UBE2E2: variants seen among roughly 807,000 people sequenced by gnomAD.
UBE2E2 encodes the protein ubiquitin-conjugating enzyme E2 E2.
A neutral mutation model predicts 24.7 loss-of-function variants in UBE2E2; 6 were observed. The observed-to-expected ratio is 0.24, with a 90% CI of 0.13 to 0.48. The LOEUF is 0.48. Ranked by LOEUF, UBE2E2 falls within the 20% of genes least tolerant of loss-of-function variation. UBE2E2 has a pLI of 0.99. For synonymous variants in UBE2E2, 104 were observed against 83.6 expected (o/e 1.24, Z -1.33); for missense variants, 169 against 245.0 (o/e 0.69, Z 2.07).
intron 3 of UBE2E2, among the ~76,000 whole-genome samples, chr3:23,238,290 A>G (rs1697171995): frequency 6.6e-6 from 1 of 152,206 alleles, no homozygotes; most frequent in South Asian, 2.1e-4. Flanking sequence ...GTTTTGTCAC[A>G]AGATCCGCCA....
intron 3 of UBE2E2, among the ~76,000 whole-genome samples, chr3:23,235,976 T>G (rs1369862227): frequency 1.3e-5 from 2 of 152,102 alleles, no homozygotes; most frequent in East Asian, 3.9e-4. Flanking sequence ...AAAGAAATAT[T>G]TAAATCTGTA....
chr3:23,313,654 A>T (rs1353391031), intron 3 of UBE2E2, among the ~76,000 whole-genome samples: 1 of 151,934 alleles, frequency 6.6e-6, no homozygotes, highest in Non-Finnish European at 1.5e-5. Context: ...AAGTGCTGGG[A>T]TTACAGGTGT....
chr3:23,252,394 G>T (rs1453729065), intron 3 of UBE2E2, among the ~76,000 whole-genome samples: 3 of 152,236 alleles, frequency 2.0e-5, no homozygotes, highest in East Asian at 3.9e-4. Context: ...CTATCATTCA[G>T]CTTGCTACTC....
At chr3:23,383,269 A>T (rs1256572240) in intron 3 of UBE2E2, among the ~76,000 whole-genome samples, 1 of 151,784 alleles carries the variant, frequency 6.6e-6, no homozygotes, top group African/African-American at 2.4e-5. Flanking sequence ...GACATACTGG[A>T]TTTAAGTTGT....
chr3:23,441,694 A>T (rs903438670), intron 3 of UBE2E2, among the ~76,000 whole-genome samples: 3 of 152,162 alleles, frequency 2.0e-5, no homozygotes, highest in African/African-American at 4.8e-5. Context: ...GGTAGCATTG[A>T]TTCTGTCTCA....
intron 3 of UBE2E2, among the ~76,000 whole-genome samples, chr3:23,465,459 A>T (rs1176632067): frequency 6.6e-6 from 1 of 152,256 alleles, no homozygotes; most frequent in Non-Finnish European, 1.5e-5. Flanking sequence ...ACTTTTAGCC[A>T]TAAAAGGGAC....
intron 3 of UBE2E2, among the ~76,000 whole-genome samples, chr3:23,329,630 C>A (rs919187735): frequency 4.6e-5 from 7 of 152,258 alleles, no homozygotes; most frequent in African/African-American, 1.7e-4. Context: ...GTGGCTCAGA[C>A]TGGCTTGCCA....
At chr3:23,438,576 A>C (rs1251174781) in intron 3 of UBE2E2, among the ~76,000 whole-genome samples, 2 of 152,184 alleles carry the variant, frequency 1.3e-5, no homozygotes, top group Non-Finnish European at 2.9e-5. Context: ...GTCCTAAGTA[A>C]GTTTTATAGC....
At chr3:23,353,855 A>G (rs1695844205) in intron 3 of UBE2E2, among the ~76,000 whole-genome samples, 1 of 152,196 alleles carries the variant, frequency 6.6e-6, no homozygotes, top group African/African-American at 2.4e-5. Flanking sequence ...CAAGCTACCA[A>G]TGAGTTTCTT....
At chr3:23,579,795 T>G (rs908417113) in intron 5 of UBE2E2, among the ~76,000 whole-genome samples, 66 of 152,320 alleles carry the variant, frequency 4.3e-4, no homozygotes, top group African/African-American at 1.5e-3. Flanking sequence ...ATTGAAAACC[T>G]TGTGTAAAGG....
intron 5 of UBE2E2, among the ~76,000 whole-genome samples, chr3:23,533,351 C>T (rs1695170545): frequency 6.6e-6 from 1 of 151,904 alleles, no homozygotes; most frequent in Non-Finnish European, 1.5e-5. Flanking sequence ...CCAAAGATAG[C>T]TATAGGGTTT....
intron 4 of UBE2E2, among the ~76,000 whole-genome samples, chr3:23,525,694 A>C (rs1042400415): frequency 2.0e-5 from 3 of 152,346 alleles, no homozygotes; most frequent in East Asian, 1.9e-4. Flanking sequence ...AACCCTTGCA[A>C]TGGAAGTGCA....
intron 3 of UBE2E2, among the ~76,000 whole-genome samples, chr3:23,291,802 C>A (rs1390040616): frequency 6.8e-6 from 1 of 148,118 alleles, no homozygotes. Context: ...CTCACCTCAG[C>A]CTTCTGAGTA....
chr3:23,206,424 T>C (rs1696148812), intron 1 of UBE2E2, among the ~76,000 whole-genome samples: 1 of 152,226 alleles, frequency 6.6e-6, no homozygotes, highest in Non-Finnish European at 1.5e-5. Flanking sequence ...CAGTGTTCTA[T>C]TAAGTGACTT....
intron 5 of UBE2E2, among the ~76,000 whole-genome samples, chr3:23,567,752 T>C (rs1473790616): frequency 6.6e-6 from 1 of 152,202 alleles, no homozygotes; most frequent in Non-Finnish European, 1.5e-5. Context: ...TCTTGACCAA[T>C]AGGTTGAACT....
At chr3:23,269,611 A>G (rs1423405665) in intron 3 of UBE2E2, among the ~76,000 whole-genome samples, 1 of 152,198 alleles carries the variant, frequency 6.6e-6, no homozygotes, top group Non-Finnish European at 1.5e-5. Context: ...CTGTCATGCA[A>G]AAGGCCAGTT....
At chr3:23,567,579 A>AC (rs1470343725) in intron 5 of UBE2E2, among the ~76,000 whole-genome samples, 1 of 152,002 alleles carries the variant, frequency 6.6e-6, no homozygotes, top group African/African-American at 2.4e-5. Context: ...TGTATATTAA[A>AC]CCCCAAAAAG....
At chr3:23,370,202 T>A (rs144131054) in intron 3 of UBE2E2, among the ~76,000 whole-genome samples, 1 of 152,320 alleles carries the variant, frequency 6.6e-6, no homozygotes, top group African/African-American at 2.4e-5. Flanking sequence ...ACATTCTTTG[T>A]TAAACTTTTG....
Position 23,379,929 on chromosome 3 carries a change from G to A in UBE2E2, c.228-119679G>A, listed in dbSNP as rs188548176. Among the ~76,000 whole-genome samples the A allele has an allele frequency of 6.2e-3, 945 of 152,054 alleles. 14 individuals carry two copies. The highest frequency in any genetic ancestry group is 0.021 in the African/African-American group (872 of 41,444). On this transcript the variant is annotated intron_variant, in intron 3 of 5. Coordinates refer to ENST00000396703, the MANE Select transcript of UBE2E2 (RefSeq NM_152653.4). ...GTGAATGAAGGGAAGAGAAGTGAGA[G>A]ATAAGTTTGGAAAAGTGAGAAGGAA...
Sources: allele counts gnomAD v4.1 joint callset (sites outside exome capture counted in the v4.1 genomes callset), GRCh38; gene constraint gnomAD v4.1.1; transcripts MANE v1.5; gene names NCBI Gene and HGNC (gene_info 2026-07-23, HGNC 2026-07-21).